ITFG1: variants seen among roughly 807,000 people sequenced by gnomAD.
The protein encoded by ITFG1 is T-cell immunomodulatory protein.
Under a neutral mutation model 81.8 loss-of-function variants are expected in ITFG1, and 34 were observed. The observed-to-expected ratio is 0.42, with a 90% CI of 0.32 to 0.55. The LOEUF is 0.55. ITFG1 is among the 20% of genes least tolerant of loss of function. The pLI is 0.17. For missense variants in ITFG1, 672 were observed against 755.4 expected, an observed-to-expected ratio of 0.89 and a Z score of 1.29; for synonymous variants, 285 against 270.6, an observed-to-expected ratio of 1.05 and a Z score of -0.52.
chr16:47,222,737 T>C (rs1241434832), intron 13 of ITFG1, among the ~76,000 whole-genome samples: 2 of 152,162 alleles, frequency 1.3e-5, no homozygotes, highest in Non-Finnish European at 1.5e-5. Context: ...TAATCCTGAG[T>C]TCTAGTTTGA....
chr16:47,337,847 T>C (rs1373242668), intron 8 of ITFG1, among the ~76,000 whole-genome samples: 1 of 152,218 alleles, frequency 6.6e-6, no homozygotes, highest in African/African-American at 2.4e-5. Flanking sequence ...AGTTTTCACA[T>C]GGGCTGTTCC....
At position 47,352,079 on chromosome 16, in the gene ITFG1, A is replaced by C. The variant is rs545616164; in HGVS notation, c.802+13709T>G. Among the ~76,000 whole-genome samples the C allele has an allele frequency of 4.6e-5, 7 of 152,344 alleles. No individual in the cohort carries two copies. The South Asian group carries it at 1.2e-3, about 27-fold the overall frequency. ...TAATTCAAGATGGACTAAAGACTTA[A>C]ATGTTAGACCTAAAATCATAAAAAC... On this transcript the variant is annotated intron_variant, in intron 8 of 17. Transcript: ENST00000320640.
chr16:47,230,788 G>A (rs539896489), intron 13 of ITFG1, among the ~76,000 whole-genome samples: 1 of 152,142 alleles, frequency 6.6e-6, no homozygotes, highest in African/African-American at 2.4e-5. Flanking sequence ...TCGCTCTGTC[G>A]CCCAGGCTGG....
At chr16:47,461,122 G>A (rs954575793), upstream of ITFG1, 20 of 1,359,962 alleles carry the variant, frequency 1.5e-5, no homozygotes, top group South Asian at 1.2e-4. Flanking sequence ...TACCGGCCGA[G>A]AGAGTGGCGC....
intron 7 of ITFG1, among the ~76,000 whole-genome samples, chr16:47,374,812 G>A (rs1361130064): frequency 2.0e-5 from 3 of 151,854 alleles, no homozygotes; most frequent in Non-Finnish European, 2.9e-5. Flanking sequence ...AGAAGTAGTC[G>A]GAAGCTCTGA....
intron 14 of ITFG1, among the ~76,000 whole-genome samples, chr16:47,207,633 A>G (rs1965517032): frequency 6.6e-6 from 1 of 152,168 alleles, no homozygotes; most frequent in African/African-American, 2.4e-5. Context: ...CAGGGCAGCA[A>G]AGGGGCCCGT....
chr16:47,195,163 C>A (rs1045348403), intron 14 of ITFG1, among the ~76,000 whole-genome samples: 1 of 151,952 alleles, frequency 6.6e-6, no homozygotes, highest in African/African-American at 2.4e-5. Context: ...TACCCCTTAC[C>A]CTTATTTAAC....
intron 9 of ITFG1, chr16:47,312,077 GAAGAGAACAGA>G (rs774142646): frequency 2.0e-5 from 3 of 152,158 alleles, no homozygotes; most frequent in Non-Finnish European, 2.9e-5. Flanking sequence ...TAATGGCCAT[GAAGAGAACAGA>G]AAGAGAACAG....
At chr16:47,363,387 G>A (rs901928658) in intron 8 of ITFG1, among the ~76,000 whole-genome samples, 1 of 151,770 alleles carries the variant, frequency 6.6e-6, no homozygotes, top group Non-Finnish European at 1.5e-5. Flanking sequence ...ATTTTTTTTA[G>A]AGATGAGGTC....
intron 5 of ITFG1, among the ~76,000 whole-genome samples, chr16:47,444,857 A>G (rs887984685): frequency 2.6e-5 from 4 of 152,148 alleles, no homozygotes; most frequent in African/African-American, 9.7e-5. Context: ...TACAGTGCTA[A>G]GAACAGTTAT....
At chr16:47,433,739 T>C (rs906020840) in intron 5 of ITFG1, among the ~76,000 whole-genome samples, 1 of 148,732 alleles carries the variant, frequency 6.7e-6, no homozygotes, top group Non-Finnish European at 1.5e-5. Context: ...TTGTTTCTTT[T>C]TGTGGTGCAT....
chr16:47,323,926 G>C (rs1967488481), intron 8 of ITFG1, among the ~76,000 whole-genome samples: 1 of 152,032 alleles, frequency 6.6e-6, no homozygotes, highest in African/African-American at 2.4e-5. Context: ...AAATTCTTAT[G>C]ATTAAACCCT....
intron 14 of ITFG1, among the ~76,000 whole-genome samples, chr16:47,184,891 G>A (rs1409440236): frequency 1.3e-5 from 2 of 152,030 alleles, no homozygotes; most frequent in South Asian, 2.1e-4. Context: ...CCCATCTCAC[G>A]TGCAGAGACA....
In ITFG1 at chr16:47,349,149, C is replaced by G. The variant is rs193058629; in HGVS notation, c.802+16639G>C. Among the ~76,000 whole-genome samples, 16 of 152,262 alleles carry G rather than the reference C, an allele frequency of 1.1e-4. No homozygotes were observed. In the East Asian group the frequency reaches 3.1e-3, roughly 29 times the overall value. On this transcript the variant is annotated intron_variant, in intron 8 of 17. Coordinates refer to ENST00000320640, the MANE Select transcript of ITFG1 (RefSeq NM_030790.5). Reference sequence around the variant, plus strand: ...CACTGATGCTAGGAAGAAACTGCATCAACTAATGAGCAAAGTTACCAGCTA... The same window carrying G: ...CACTGATGCTAGGAAGAAACTGCATGAACTAATGAGCAAAGTTACCAGCTA...
intron 8 of ITFG1, among the ~76,000 whole-genome samples, chr16:47,324,729 G>T (rs1479684785): frequency 2.6e-5 from 4 of 152,132 alleles, no homozygotes; most frequent in Non-Finnish European, 5.9e-5. Flanking sequence ...GATCAAAAGA[G>T]ACAAAGAAGG....
At chr16:47,271,589 C>G (rs1966340780) in intron 10 of ITFG1, among the ~76,000 whole-genome samples, 1 of 152,174 alleles carries the variant, frequency 6.6e-6, no homozygotes, top group Non-Finnish European at 1.5e-5. Flanking sequence ...GGCCGGGGCA[C>G]TGGCTCACGC....
At chr16:47,360,905 T>A (rs1968100502) in intron 8 of ITFG1, among the ~76,000 whole-genome samples, 1 of 152,152 alleles carries the variant, frequency 6.6e-6, no homozygotes, top group African/African-American at 2.4e-5. Context: ...ACAACTTTAA[T>A]GTGGGGTGTC....
chr16:47,252,037 G>C (rs1966082781), intron 12 of ITFG1, among the ~76,000 whole-genome samples: 1 of 152,102 alleles, frequency 6.6e-6, no homozygotes, highest in South Asian at 2.1e-4. Flanking sequence ...AAGAGCAAGA[G>C]AAAGATATTT....
At chr16:47,273,961 T>C (rs559398543) in intron 10 of ITFG1, among the ~76,000 whole-genome samples, 31 of 152,250 alleles carry the variant, frequency 2.0e-4, no homozygotes, top group Middle Eastern at 6.8e-3. Flanking sequence ...AACTATGAGA[T>C]ACAAGAATTA....
Sources: gnomAD v4.1 joint callset for allele counts (sites outside exome capture counted in the v4.1 genomes callset) on GRCh38, gnomAD v4.1.1 for gene constraint, MANE v1.5 for transcripts, NCBI Gene and HGNC (gene_info 2026-07-23, HGNC 2026-07-21) for gene names.